Variants in CACNA2D3 observed in about 807,000 individuals in gnomAD.
The protein encoded by CACNA2D3 is voltage-dependent calcium channel subunit alpha-2/delta-3.
CACNA2D3 carries 60 observed loss-of-function variants against 160.6 expected under a neutral mutation model. The ratio of observed to expected loss-of-function variants is 0.37; its 90% CI spans 0.30 to 0.46. CACNA2D3 has a LOEUF of 0.46. CACNA2D3 is among the 20% of genes least tolerant of loss of function. The pLI is 1.00. For synonymous variants in CACNA2D3, 558 were observed against 492.9 expected (o/e 1.13, Z -1.75); for missense variants, 1,205 against 1,365.0 (o/e 0.88, Z 1.85).
intron 11 of CACNA2D3, among the ~76,000 whole-genome samples, chr3:54,739,313 G>A (rs1701593614): frequency 6.6e-6 from 1 of 151,632 alleles, no homozygotes; most frequent in South Asian, 2.1e-4. Context: ...CCAGCTACTT[G>A]GGAGGCCGAA....
intron 4 of CACNA2D3, among the ~76,000 whole-genome samples, chr3:54,400,572 A>G (rs190559466): frequency 6.6e-6 from 1 of 152,304 alleles, no homozygotes; most frequent in African/African-American, 2.4e-5. Flanking sequence ...AGCCTTTGCT[A>G]CCACCACCAC....
At chr3:55,020,416 G>GTAT (rs1703421358) in intron 35 of CACNA2D3, among the ~76,000 whole-genome samples, 1 of 148,036 alleles carries the variant, frequency 6.8e-6, no homozygotes, top group Non-Finnish European at 1.5e-5. Flanking sequence ...ATATGTATAT[G>GTAT]TATTATACAT....
intron 17 of CACNA2D3, among the ~76,000 whole-genome samples, chr3:54,854,893 T>G (rs556437781): frequency 4.2e-4 from 64 of 152,328 alleles, no homozygotes; most frequent in African/African-American, 1.5e-3. Flanking sequence ...CTATAGATAA[T>G]TACCCACCTC....
chr3:55,012,612 AGTTT>A (rs1559463358), intron 34 of CACNA2D3, among the ~76,000 whole-genome samples: 1 of 152,112 alleles, frequency 6.6e-6, no homozygotes, highest in Non-Finnish European at 1.5e-5. Flanking sequence ...AAATGGGGGC[AGTTT>A]TGCCTCCCAG....
At chr3:54,798,943 C>T (rs1173702943) in intron 13 of CACNA2D3, among the ~76,000 whole-genome samples, 1 of 152,212 alleles carries the variant, frequency 6.6e-6, no homozygotes, top group African/African-American at 2.4e-5. Flanking sequence ...AACTTCCTGC[C>T]TTCAAGTTAT....
chr3:54,972,091 C>T (rs1702286687), intron 29 of CACNA2D3, among the ~76,000 whole-genome samples: 2 of 152,198 alleles, frequency 1.3e-5, no homozygotes, highest in African/African-American at 4.8e-5. Flanking sequence ...ATGGTATATA[C>T]ACTTTGGGCA....
At chr3:54,790,325 C>A (rs1702728445) in intron 13 of CACNA2D3, among the ~76,000 whole-genome samples, 2 of 152,188 alleles carry the variant, frequency 1.3e-5, no homozygotes, top group African/African-American at 4.8e-5. Flanking sequence ...GGTGCTGTGG[C>A]AGCCAAAGTA....
intron 27 of CACNA2D3, among the ~76,000 whole-genome samples, chr3:54,936,970 C>T (rs1214257372): frequency 6.6e-6 from 1 of 152,060 alleles, no homozygotes; most frequent in Non-Finnish European, 1.5e-5. Flanking sequence ...TCCAGTTGCT[C>T]CCACCATGAA....
chr3:54,687,143 T>TTTTTTTTTTTTTTTTTG (rs1700476606), intron 11 of CACNA2D3, among the ~76,000 whole-genome samples: 1 of 70,578 alleles, frequency 1.4e-5, no homozygotes, highest in Non-Finnish European at 3.0e-5. Flanking sequence ...TTGTTTTTTT[T>TTTTTTTTTTTTTTTTTG]TTTTTTTGTT....
rs1553891454 is a variant in CACNA2D3 at position 54,859,972 on chromosome 3, GCACACA to G, written c.1627-11530_1627-11525del. Among the ~76,000 whole-genome samples, 754 of 133,870 alleles carry G rather than the reference GCACACA, an allele frequency of 5.6e-3. 4 individuals are homozygous for G. Among genetic ancestry groups the G allele is most frequent in the African/African-American group, 0.011 (404 of 35,944 alleles). The allele number at this position is 133,870 out of a possible 152,430, so 87.8% of individuals were successfully genotyped here. A position where few individuals can be genotyped will look rare whatever the true frequency, so the allele number is the denominator to read the frequency against. ...TTAGAACATCATCTGGAAAGTAGAT[GCACACA>G]CACACACACACACACACACACACAC... On this transcript the variant is annotated intron_variant, in intron 17 of 37. Coordinates refer to ENST00000474759, the MANE Select transcript of CACNA2D3 (RefSeq NM_018398.3).
chr3:54,873,009 C>T (rs1447349680), intron 18 of CACNA2D3, among the ~76,000 whole-genome samples: 1 of 152,026 alleles, frequency 6.6e-6, no homozygotes, highest in African/African-American at 2.4e-5. Flanking sequence ...CTGCCAGGTT[C>T]AAATCCCGCC....
At chr3:54,259,171 C>T (rs1322983712) in intron 2 of CACNA2D3, among the ~76,000 whole-genome samples, 1 of 152,194 alleles carries the variant, frequency 6.6e-6, no homozygotes, top group African/African-American at 2.4e-5. Flanking sequence ...TCAGGCTAGG[C>T]CAGTCAGAGC....
At chr3:54,927,792 C>G in intron 27 of CACNA2D3, 1 of 1,117,972 alleles carries the variant, frequency 8.9e-7, no homozygotes, top group South Asian at 1.3e-5. Flanking sequence ...CATATCTGTC[C>G]AGTCTTTTAA....
At chr3:54,792,396 G>T (rs948657189) in intron 13 of CACNA2D3, among the ~76,000 whole-genome samples, 9 of 152,170 alleles carry the variant, frequency 5.9e-5, no homozygotes, top group African/African-American at 2.2e-4. Flanking sequence ...AGTGAATCAG[G>T]CTTCTTTGGC....
At chr3:54,412,591 C>G (rs1221122251) in intron 4 of CACNA2D3, among the ~76,000 whole-genome samples, 3 of 104,690 alleles carry the variant, frequency 2.9e-5, no homozygotes, top group Admixed American at 9.0e-5. Context: ...TATAACCTGT[C>G]TGTAATTCTG....
chr3:54,542,722 C>T (rs1702000722), intron 5 of CACNA2D3, among the ~76,000 whole-genome samples: 1 of 152,010 alleles, frequency 6.6e-6, no homozygotes, highest in Non-Finnish European at 1.5e-5. Context: ...GATGGTGCCA[C>T]CCAGATGGAG....
At position 54,470,577 on chromosome 3, in the gene CACNA2D3, C is replaced by CA. The variant is rs1226320844; in HGVS notation, c.382-32914dup. On this transcript the variant is annotated intron_variant, in intron 4 of 37. Coordinates refer to ENST00000474759, the MANE Select transcript of CACNA2D3 (RefSeq NM_018398.3). ...TCATAATGAAAGGATCAAATTCCTA[C>CA]ATAACAATAATAACCTTAAATGTAA... 1.3e-4 allele frequency among the ~76,000 whole-genome samples: 20 copies of CA among 152,266 alleles called. 1 individual carries two copies. The highest frequency in any genetic ancestry group is 1.0e-3 in the South Asian group (5 of 4,828).
intron 27 of CACNA2D3, among the ~76,000 whole-genome samples, chr3:54,937,508 G>A (rs1701360019): frequency 6.6e-6 from 1 of 152,138 alleles, no homozygotes; most frequent in African/African-American, 2.4e-5. Flanking sequence ...TTTCCAATCT[G>A]TGTATTAGTG....
intron 27 of CACNA2D3, among the ~76,000 whole-genome samples, chr3:54,909,101 C>A (rs991735709): frequency 2.3e-4 from 35 of 152,274 alleles, no homozygotes; most frequent in African/African-American, 8.2e-4. Context: ...GGTTGTGCAT[C>A]GGTAGTGCCT....
Sources: gnomAD v4.1 joint callset for allele counts (sites outside exome capture counted in the v4.1 genomes callset) on GRCh38, gnomAD v4.1.1 for gene constraint, MANE v1.5 for transcripts, NCBI Gene and HGNC (gene_info 2026-07-23, HGNC 2026-07-21) for gene names.